HIVEP1: variants seen among roughly 807,000 people sequenced by gnomAD.
HIVEP1 encodes the protein zinc finger protein 40.
Under a neutral mutation model 180.0 loss-of-function variants are expected in HIVEP1, and 36 were observed. The ratio of observed to expected loss-of-function variants is 0.20; its 90% CI spans 0.15 to 0.26. HIVEP1 has a LOEUF of 0.26. HIVEP1 is among the 10% of genes least tolerant of loss of function. The pLI is 1.00. For synonymous variants in HIVEP1, 1,239 were observed against 1,239.0 expected, an observed-to-expected ratio of 1.00 and a Z score of 0.00; for missense variants, 3,143 against 3,268.7, an observed-to-expected ratio of 0.96 and a Z score of 0.94.
At chr6:12,058,774 A>G (rs1047647549) in intron 2 of HIVEP1, among the ~76,000 whole-genome samples, 2 of 152,136 alleles carry the variant, frequency 1.3e-5, no homozygotes, top group Non-Finnish European at 2.9e-5. Flanking sequence ...CTCTTGATAC[A>G]AGTCACGTGG....
intron 7 of HIVEP1, among the ~76,000 whole-genome samples, chr6:12,136,161 T>C (rs958578601): frequency 2.0e-5 from 3 of 152,170 alleles, no homozygotes; most frequent in African/African-American, 7.2e-5. Context: ...TTCCCATCTG[T>C]CTAGAAAATA....
Position 12,125,651 on chromosome 6 carries a change from G to A in HIVEP1, c.5856G>A (p.Ser1952=), listed in dbSNP as rs200675112. The A allele has an allele frequency of 5.9e-5, 95 of 1,614,114 alleles. No homozygotes were observed. Among genetic ancestry groups the A allele is most frequent in the Admixed American group, 4.7e-4 (28 of 60,022 alleles). The change falls in exon 4 of 9, where the codon TCG becomes TCA. Residue 1952 remains serine (S), a synonymous_variant. Coordinates refer to ENST00000379388, the MANE Select transcript of HIVEP1 (RefSeq NM_002114.4). The part of the protein sequence containing the change: ...FTWCYLLRQK[S]LHLPQKDQKT... ...GGTGTTATCTCTTAAGGCAGAAGTCGTTGCATTTGCCTCAGAAGGACCAGA... is the reference window on the plus strand; with the variant it reads ...GGTGTTATCTCTTAAGGCAGAAGTCATTGCATTTGCCTCAGAAGGACCAGA...
downstream of HIVEP1, among the ~76,000 whole-genome samples, chr6:12,168,103 A>G (rs219959): frequency 0.74 from 32,230 of 43,618 alleles, 13,631 homozygotes; most frequent in Non-Finnish European, 0.83. Flanking sequence ...ACATACACGT[A>G]TATATGTATA....
At chr6:12,204,792 CTT>C in the HIVEP1 span, among the ~76,000 whole-genome samples, 539 of 152,306 alleles carry the variant, frequency 3.5e-3, 1 homozygote, top group African/African-American at 0.012. Flanking sequence ...TGTATTAAAA[CTT>C]ATATTATTCA....
intron 2 of HIVEP1, chr6:12,020,494 C>G (rs1768115760): frequency 2.1e-6 from 1 of 468,862 alleles, no homozygotes; most frequent in Non-Finnish European, 4.4e-6. Flanking sequence ...GAGGGGTTAT[C>G]TCCACCACCT....
the HIVEP1 span, among the ~76,000 whole-genome samples, chr6:12,184,059 A>AGACT: frequency 3.3e-5 from 5 of 149,324 alleles, no homozygotes; most frequent in South Asian, 4.2e-4. Flanking sequence ...ACAGACAGAC[A>AGACT]GACTGATTTG....
chr6:12,032,585 T>TA (rs1371057391), intron 2 of HIVEP1, among the ~76,000 whole-genome samples: 1 of 152,212 alleles, frequency 6.6e-6, no homozygotes, highest in South Asian at 2.1e-4. Context: ...GAATGTTACT[T>TA]AATCTCTCTG....
chr6:12,189,681 A>T, the HIVEP1 span, among the ~76,000 whole-genome samples: 1 of 152,200 alleles, frequency 6.6e-6, no homozygotes. Context: ...TGACAGTAAA[A>T]TCATTAGTCT....
chr6:12,162,493 C>T lies in HIVEP1; in HGVS notation c.6978+564C>T, dbSNP rs544036498. On this transcript the variant is annotated intron_variant, in intron 8 of 8. Transcript: ENST00000379388. ...GGAGAGCTTTCTGCCCAAGAACTAT[C>T]TCAAGGCAGGCACAGGCCTCTGAAA... 2.9e-4 allele frequency among the ~76,000 whole-genome samples: 44 copies of T among 152,358 alleles called. 1 individual carries two copies. Among genetic ancestry groups the T allele is most frequent in the Admixed American group, 6.5e-5 (1 of 15,314 alleles).
intron 2 of HIVEP1, among the ~76,000 whole-genome samples, chr6:12,067,940 C>A (rs1771706067): frequency 6.6e-6 from 1 of 151,982 alleles, no homozygotes; most frequent in Admixed American, 6.6e-5. Context: ...TAGATTTTAT[C>A]CATTGTATTC....
At chr6:12,173,139 A>G in the HIVEP1 span, among the ~76,000 whole-genome samples, 5 of 152,186 alleles carry the variant, frequency 3.3e-5, no homozygotes, top group Admixed American at 6.5e-5. Flanking sequence ...TCAGTTCTTC[A>G]TCATTATTCA....
chr6:12,088,785 T>A (rs554301643), intron 2 of HIVEP1, among the ~76,000 whole-genome samples: 28 of 152,314 alleles, frequency 1.8e-4, no homozygotes, highest in African/African-American at 6.7e-4. Flanking sequence ...GTCTTAAGTC[T>A]TAGCTTTGCT....
In HIVEP1 at chr6:12,161,374, T is replaced by G. The variant is rs183806156; in HGVS notation, c.6488-65T>G. Reference sequence around the variant, plus strand: ...CAGAGTTGCCAAACGTATAAAAAATTTTTAAAATAGCACTTGTGCACTTGG... The same window carrying G: ...CAGAGTTGCCAAACGTATAAAAAATGTTTAAAATAGCACTTGTGCACTTGG... On this transcript the variant is annotated intron_variant, in intron 7 of 8. Coordinates refer to ENST00000379388, the MANE Select transcript of HIVEP1 (RefSeq NM_002114.4). The G allele has an allele frequency of 3.4e-5, 51 of 1,495,008 alleles. No individual in the cohort carries two copies. In the East Asian group the frequency reaches 1.1e-3, roughly 32 times the overall value. 92.6% of individuals were successfully genotyped at this position (1,495,008 alleles called of 1,614,324 possible).
chr6:12,091,308 T>C (rs1249584700), intron 3 of HIVEP1, among the ~76,000 whole-genome samples: 3 of 152,160 alleles, frequency 2.0e-5, no homozygotes, highest in Admixed American at 6.5e-5. Flanking sequence ...TGACGTACTT[T>C]GGGTTTTTTC....
chr6:12,040,652 A>G lies in HIVEP1; in HGVS notation c.40+24984A>G, dbSNP rs1009587793. 2.6e-5 allele frequency among the ~76,000 whole-genome samples: 4 copies of G among 152,248 alleles called. No individual in the cohort carries two copies. In the East Asian group the frequency reaches 7.7e-4, roughly 29 times the overall value. On this transcript the variant is annotated intron_variant, in intron 2 of 8. Transcript: ENST00000379388. Reference sequence around the variant, plus strand: ...ATTTAAATTTTTGAAGATAAAACTCATGTCATGTTGGTCAGTGTATTAGGC... The same window carrying G: ...ATTTAAATTTTTGAAGATAAAACTCGTGTCATGTTGGTCAGTGTATTAGGC...
intron 7 of HIVEP1, among the ~76,000 whole-genome samples, chr6:12,148,605 C>T (rs947152645): frequency 4.6e-5 from 7 of 152,114 alleles, no homozygotes; most frequent in African/African-American, 1.4e-4. Context: ...TAACATAATT[C>T]GAATATTAGT....
chr6:12,121,206 G>C lies in HIVEP1; in HGVS notation c.1411G>C (p.Gly471Arg), dbSNP rs771500900. Residue 471 changes from glycine to arginine, a missense_variant, in exon 4 of 9, where the codon GGT becomes CGT. Gly to Arg is a moderately radical substitution (Grantham distance 125, BLOSUM62 -2). Transcript: ENST00000379388. The surrounding 1 kb of genome is among the most constrained non-coding windows in gnomAD (Gnocchi z 5.3). ...GGGTCTTGTCTTGCAACCAGATGCT[G>C]GTGGCTTGTTCTTGTCCCACGAGTC... ...KLGLVLQPDAGGLFLSHESPK... is the reference protein window; with the variant it reads ...KLGLVLQPDARGLFLSHESPK... 1 of 1,614,092 alleles carries C rather than the reference G, an allele frequency of 6.2e-7. No homozygotes were observed. The highest frequency in any genetic ancestry group is 1.7e-5 in the Admixed American group (1 of 60,012).
chr6:12,086,140 A>G (rs1199927252), intron 2 of HIVEP1, among the ~76,000 whole-genome samples: 1 of 152,150 alleles, frequency 6.6e-6, no homozygotes, highest in Admixed American at 6.6e-5. Context: ...CTATACTATT[A>G]GTTACTTCTC....
At chr6:12,207,375 TA>T in the HIVEP1 span, among the ~76,000 whole-genome samples, 1 of 152,248 alleles carries the variant, frequency 6.6e-6, no homozygotes, top group Non-Finnish European at 1.5e-5. Context: ...GAATGTTCAA[TA>T]AATATAATTT....
Sources: gnomAD v4.1 joint callset for allele counts (sites outside exome capture counted in the v4.1 genomes callset) on GRCh38, gnomAD v4.1.1 for gene constraint, Gnocchi (gnomAD v3.1) non-coding constraint, MANE v1.5 for transcripts, NCBI Gene and HGNC (gene_info 2026-07-23, HGNC 2026-07-21) for gene names.